FAS: variants seen among roughly 807,000 people sequenced by gnomAD.
The protein encoded by FAS is Fas cell surface death receptor, also known as tumor necrosis factor receptor superfamily member 6.
Under a neutral mutation model 33.2 loss-of-function variants are expected in FAS, and 5 were observed. The ratio of observed to expected loss-of-function variants is 0.15; its 90% CI spans 0.08 to 0.32. The LOEUF (loss-of-function observed/expected upper bound fraction) is 0.32. Among genes scored for constraint, FAS ranks in the 10% least tolerant of loss-of-function variants. The pLI, the probability that FAS is intolerant of heterozygous loss-of-function variation, is 1.00. For missense variants in FAS, 339 were observed against 386.0 expected, an observed-to-expected ratio of 0.88 and a Z score of 1.02; for synonymous variants, 131 against 130.7, an observed-to-expected ratio of 1.00 and a Z score of -0.01.
chr10:89,016,325 C>G lies in FAS; in HGVS notation c.*1875C>G. ...AGAAAGTCTGAGTGATCACAGGGTT[C>G]ACTCATTAATTTCTCTTTTCTGAGC... On this transcript the variant is annotated 3_prime_UTR_variant, in exon 9 of 9. Transcript: ENST00000652046. 1 of 220,694 alleles carries G rather than the reference C, an allele frequency of 4.5e-6. No individual in the cohort carries two copies. Among genetic ancestry groups the G allele is most frequent in the East Asian group, 6.6e-5 (1 of 15,074 alleles). 13.7% of individuals were successfully genotyped at this position (220,694 alleles called of 1,614,324 possible). A position where few individuals can be genotyped will look rare whatever the true frequency, so the allele number is the denominator to read the frequency against.
At chr10:88,976,155 G>T (rs1036526177) in intron 2 of FAS, among the ~76,000 whole-genome samples, 1 of 152,090 alleles carries the variant, frequency 6.6e-6, no homozygotes, top group Non-Finnish European at 1.5e-5. Flanking sequence ...ACTAAGAATT[G>T]TCTTGGGCCA....
chr10:88,983,677 A>T (rs3903454), upstream of FAS, among the ~76,000 whole-genome samples: 51,778 of 148,372 alleles, frequency 0.35, 9,950 homozygotes, highest in East Asian at 0.52. Flanking sequence ...TCTGGACATT[A>T]TATAAGCATT....
rs1848821606 is a variant in FAS, at chr10:89,016,756, GA to G, written c.*2313del. 8 of 222,508 alleles carry G rather than the reference GA, an allele frequency of 3.6e-5. No individual in the cohort carries two copies. Among genetic ancestry groups the G allele is most frequent in the Non-Finnish European group, 3.6e-5 (4 of 111,376 alleles). 13.8% of individuals were successfully genotyped at this position (222,508 alleles called of 1,614,324 possible). On this transcript the variant is annotated 3_prime_UTR_variant, in exon 9 of 9. Coordinates refer to ENST00000652046, the MANE Select transcript of FAS (RefSeq NM_000043.6). ...ACCCAAAGGTCACCCATGAGCTGCAGAAAAAAAGGCTATTTGCAGAAGGAGC... is the reference window on the plus strand; with the variant it reads ...ACCCAAAGGTCACCCATGAGCTGCAGAAAAAAGGCTATTTGCAGAAGGAGC...
intron 2 of FAS, among the ~76,000 whole-genome samples, chr10:88,976,857 ATAT>A (rs1846576246): frequency 6.6e-6 from 1 of 152,234 alleles, no homozygotes; most frequent in Non-Finnish European, 1.5e-5. Context: ...CTTTCATTAA[ATAT>A]TATTAGAGCT....
At chr10:88,985,416 T>C (rs540497566), upstream of FAS, among the ~76,000 whole-genome samples, 29 of 152,358 alleles carry the variant, frequency 1.9e-4, no homozygotes, top group South Asian at 5.0e-3. Context: ...TTAATACCAC[T>C]ATTGTATTAG....
intron 6 of FAS, 91 bp from the exon 7 acceptor site, chr10:89,011,908 C>A: frequency 8.4e-7 from 1 of 1,194,314 alleles, no homozygotes; most frequent in Non-Finnish European, 1.2e-6. Context: ...CTCCTTTTTC[C>A]TTCTTATATT....
chr10:89,008,189 T>C (rs560752303), intron 3 of FAS, among the ~76,000 whole-genome samples: 1 of 152,300 alleles, frequency 6.6e-6, no homozygotes, highest in Non-Finnish European at 1.5e-5. Flanking sequence ...AGCCTGCAGA[T>C]ACAAGGACAC....
intron 2 of FAS, chr10:88,973,353 C>T: frequency 6.7e-7 from 1 of 1,483,836 alleles, no homozygotes; most frequent in Non-Finnish European, 9.0e-7. Context: ...ATTAGGTAAT[C>T]CAAGAATTGC....
chr10:88,996,149 T>C (rs534164409), intron 1 of FAS, among the ~76,000 whole-genome samples: 2 of 152,186 alleles, frequency 1.3e-5, no homozygotes, highest in Non-Finnish European at 2.9e-5. Flanking sequence ...AGGGCAGATA[T>C]CTTGAAAAAG....
intron 2 of FAS, chr10:88,974,468 G>C (rs1054856806): frequency 6.6e-6 from 1 of 152,150 alleles, no homozygotes; most frequent in Non-Finnish European, 1.5e-5. Context: ...TTAAATGTTG[G>C]TGGTCTTTTA....
At chr10:89,012,328 C>A in intron 7 of FAS, 1 of 436,720 alleles carries the variant, frequency 2.3e-6, no homozygotes, top group Non-Finnish European at 4.2e-6. Flanking sequence ...CATGCACCAC[C>A]ATGCCAGGTT....
At chr10:89,011,756 T>C (rs769371621) in intron 6 of FAS, among the ~76,000 whole-genome samples, 6 of 152,182 alleles carry the variant, frequency 3.9e-5, no homozygotes, top group African/African-American at 4.8e-5. Flanking sequence ...TCAAAAGCCA[T>C]CTCCTTGCTA....
chr10:89,010,935 T>C (rs1045013512), intron 6 of FAS, 120 bp downstream of exon 6: 1 of 1,192,726 alleles, frequency 8.4e-7, no homozygotes, highest in African/African-American at 1.5e-5. Flanking sequence ...ATTGTTAATT[T>C]CTTGCCCCTG....
chr10:88,973,435 C>A, intron 2 of FAS: 1 of 1,118,384 alleles, frequency 8.9e-7, no homozygotes, highest in Non-Finnish European at 1.2e-6. Context: ...GCCATTATCT[C>A]TGCCTTTCCT....
At chr10:88,966,426 C>A (rs1360380195) in intron 1 of FAS, among the ~76,000 whole-genome samples, 1 of 152,146 alleles carries the variant, frequency 6.6e-6, no homozygotes, top group Non-Finnish European at 1.5e-5. Flanking sequence ...CTTTGGCCCT[C>A]ATTTTGTAAT....
chr10:88,977,398 CAGCACCATTTATTAAAT>C (rs1846591304), intron 2 of FAS, among the ~76,000 whole-genome samples: 3 of 151,384 alleles, frequency 2.0e-5, no homozygotes, highest in African/African-American at 7.3e-5. Context: ...CCAGTTTTCC[CAGCACCATTTATTAAAT>C]AGGGAATCCT....
chr10:88,996,277 G>GTT (rs9658689), intron 1 of FAS, among the ~76,000 whole-genome samples: 11 of 151,338 alleles, frequency 7.3e-5, no homozygotes, highest in East Asian at 1.9e-4. Context: ...GGTTGTTGTT[G>GTT]TTTTTTTTCA....
Position 88,990,998 on chromosome 10 carries a change from G to C in FAS, c.30+92G>C. 5.8e-6 allele frequency: 9 copies of C among 1,565,080 alleles called. No homozygotes were observed. The highest frequency in any genetic ancestry group is 7.9e-6 in the Non-Finnish European group (9 of 1,140,234). ...GGGCGCGGGACGCGTGCGGGATTGC[G>C]GCGGCAGCGGCGCACGCGGGCACCT... On this transcript the variant is annotated intron_variant, in intron 1 of 8. Transcript: ENST00000652046. The surrounding 1 kb of genome is among the most constrained non-coding windows in gnomAD (Gnocchi z 4.9).
intron 6 of FAS, 25 bp from the exon 7 acceptor site, chr10:89,011,974 T>C (rs1848551348): frequency 6.3e-7 from 1 of 1,599,664 alleles, no homozygotes; most frequent in Non-Finnish European, 8.6e-7. Context: ...AGACCTGAGT[T>C]GATAAAATTT....
Sources: gnomAD v4.1 joint callset for allele counts (sites outside exome capture counted in the v4.1 genomes callset) on GRCh38, gnomAD v4.1.1 for gene constraint, Gnocchi (gnomAD v3.1) non-coding constraint, MANE v1.5 for transcripts, NCBI Gene and HGNC (gene_info 2026-07-23, HGNC 2026-07-21) for gene names.